RTN4IP1: variants seen among roughly 807,000 people sequenced by gnomAD.
The protein encoded by RTN4IP1 is reticulon 4 interacting protein 1.
RTN4IP1 carries 32 observed loss-of-function variants against 46.6 expected under a neutral mutation model. The ratio of observed to expected loss-of-function variants is 0.69; its 90% CI spans 0.52 to 0.92. The LOEUF is 0.92. Ranked by LOEUF, RTN4IP1 falls within the 40% of genes least tolerant of loss-of-function variation. RTN4IP1 has a pLI of 0.00. For synonymous variants in RTN4IP1, 167 were observed against 161.8 expected, an observed-to-expected ratio of 1.03 and a Z score of -0.24; for missense variants, 424 against 485.8, an observed-to-expected ratio of 0.87 and a Z score of 1.20.
intron 4 of RTN4IP1, among the ~76,000 whole-genome samples, chr6:106,603,429 G>A (rs1775992418): frequency 6.6e-6 from 1 of 152,172 alleles, no homozygotes; most frequent in African/African-American, 2.4e-5. Flanking sequence ...GTGGCTTCCT[G>A]TTAAAGCAGA....
At chr6:106,596,310 C>A (rs970253833) in intron 5 of RTN4IP1, among the ~76,000 whole-genome samples, 1 of 152,162 alleles carries the variant, frequency 6.6e-6, no homozygotes, top group Non-Finnish European at 1.5e-5. Context: ...ACTTCCAATT[C>A]TAATTTGAGA....
intron 5 of RTN4IP1, among the ~76,000 whole-genome samples, chr6:106,602,055 G>T (rs1775961594): frequency 6.6e-6 from 1 of 152,142 alleles, no homozygotes; most frequent in South Asian, 2.1e-4. Context: ...TTCTTGTCAG[G>T]ATCAATTGAC....
chr6:106,611,872 T>C (rs996242978), intron 4 of RTN4IP1, among the ~76,000 whole-genome samples: 2 of 152,230 alleles, frequency 1.3e-5, no homozygotes, highest in South Asian at 2.1e-4. Flanking sequence ...TATTTATATA[T>C]CTTGGTAAGG....
intron 5 of RTN4IP1, 31 bp from the exon 6 acceptor site, chr6:106,592,331 A>G (rs753109506): frequency 7.5e-6 from 12 of 1,603,950 alleles, no homozygotes; most frequent in South Asian, 4.5e-5. Flanking sequence ...AAAAAGAATA[A>G]AAAAGGGAGA....
At chr6:106,629,733 C>A, upstream of RTN4IP1, 1 of 1,595,782 alleles carries the variant, frequency 6.3e-7, no homozygotes, top group Non-Finnish European at 8.5e-7. Context: ...GCTGAGGCCC[C>A]CGGGAGGGCG....
intron 4 of RTN4IP1, among the ~76,000 whole-genome samples, chr6:106,611,596 C>G (rs9386573): frequency 0.073 from 11,067 of 152,088 alleles, 593 homozygotes; most frequent in East Asian, 0.2. Context: ...TTTTAAATCA[C>G]GGGGAAAACA....
intron 5 of RTN4IP1, among the ~76,000 whole-genome samples, chr6:106,596,519 G>A (rs1775797266): frequency 6.6e-6 from 1 of 152,174 alleles, no homozygotes; most frequent in Non-Finnish European, 1.5e-5. Context: ...GGAGGTTGAG[G>A]TTGCAGTGAG....
At chr6:106,612,384 C>CAAAAAAA (rs1180927898) in intron 4 of RTN4IP1, among the ~76,000 whole-genome samples, 2 of 18,910 alleles carry the variant, frequency 1.1e-4, no homozygotes, top group African/African-American at 2.1e-4. Context: ...AAGACTCCGT[C>CAAAAAAA]AAAAAAAAAA....
chr6:106,581,858 T>C (rs1280830682), intron 8 of RTN4IP1, among the ~76,000 whole-genome samples: 10 of 152,330 alleles, frequency 6.6e-5, no homozygotes, highest in East Asian at 3.9e-4. Context: ...CTGGAGCAGA[T>C]AGCAGGACAA....
rs756747776 is a variant in RTN4IP1 at position 106,587,711 on chromosome 6, T to TC, written c.957dup (p.Thr320AspfsTer33). The stretch of plus-strand genomic sequence containing the variant: ...GCCTTTGAACCTACAGTGACTCCTG[T>TC]CTGCAACATGCCATCTGCTATGCCC... On this transcript the variant is annotated frameshift_variant, in exon 7 of 9. Transcript: ENST00000369063. LOFTEE classifies it high-confidence loss of function. 2.0e-5 allele frequency: 33 copies of TC among 1,613,094 alleles called. No individual in the cohort carries two copies. In the South Asian group the frequency reaches 2.2e-4, roughly 11 times the overall value.
At chr6:106,577,860 A>T (rs1325827895) in intron 8 of RTN4IP1, among the ~76,000 whole-genome samples, 2 of 152,134 alleles carry the variant, frequency 1.3e-5, no homozygotes, top group African/African-American at 2.4e-5. Context: ...GAAGGCAAGG[A>T]AACAGATCCT....
chr6:106,618,360 T>C (rs2114675762), intron 4 of RTN4IP1, among the ~76,000 whole-genome samples: 1 of 152,330 alleles, frequency 6.6e-6, no homozygotes, highest in African/African-American at 2.4e-5. Flanking sequence ...AAACGGTTCT[T>C]AGTATCTAGT....
chr6:106,583,060 C>T (rs1326685792), intron 8 of RTN4IP1, among the ~76,000 whole-genome samples: 1 of 152,184 alleles, frequency 6.6e-6, no homozygotes, highest in East Asian at 1.9e-4. Flanking sequence ...ATCCTATAAC[C>T]TCCCTGGGCC....
At chr6:106,618,238 A>T (rs538952273) in intron 4 of RTN4IP1, among the ~76,000 whole-genome samples, 1 of 152,214 alleles carries the variant, frequency 6.6e-6, no homozygotes, top group African/African-American at 2.4e-5. Context: ...AATAGAACAG[A>T]ATCACACAGA....
At chr6:106,587,319 G>T (rs56120103) in intron 7 of RTN4IP1, among the ~76,000 whole-genome samples, 21,533 of 152,240 alleles carry the variant, frequency 0.14, 1,749 homozygotes, top group African/African-American at 0.21. Context: ...AATCAAGAGA[G>T]GCAATAAGTA....
chr6:106,605,931 G>A (rs1409291994), intron 4 of RTN4IP1, among the ~76,000 whole-genome samples: 2 of 151,550 alleles, frequency 1.3e-5, no homozygotes, highest in Non-Finnish European at 2.9e-5. Flanking sequence ...TACATCTACA[G>A]GAAAAAGTAC....
intron 1 of RTN4IP1, among the ~76,000 whole-genome samples, chr6:106,623,556 C>T (rs2114682924): frequency 6.6e-6 from 1 of 152,254 alleles, no homozygotes; most frequent in African/African-American, 2.4e-5. Flanking sequence ...AAAAAGTAAT[C>T]AACCTTATAA....
intron 8 of RTN4IP1, among the ~76,000 whole-genome samples, chr6:106,578,689 G>C (rs948212740): frequency 6.6e-6 from 1 of 152,172 alleles, no homozygotes; most frequent in African/African-American, 2.4e-5. Flanking sequence ...CAGCTGCGGG[G>C]AAAGAACATT....
chr6:106,621,435 C>T lies in RTN4IP1; in HGVS notation c.485G>A (p.Ser162Asn). The T allele has an allele frequency of 4.3e-6, 7 of 1,613,538 alleles. No individual in the cohort carries two copies. The highest frequency in any genetic ancestry group is 5.9e-6 in the Non-Finnish European group (7 of 1,179,486). Residue 162 changes from serine to asparagine, a missense_variant, in exon 3 of 9, where the codon AGT becomes AAT. Physicochemically the swap from Ser to Asn is conservative, Grantham distance 46. Coordinates refer to ENST00000369063, the MANE Select transcript of RTN4IP1 (RefSeq NM_032730.5). ...GAGTTGGTAAGTTACCTCATTCCCA[C>T]TGACTACAACAAACTCTGAAAGAGT... ...QGTLSEFVVV[S>N]GNEVSHKPKS...
Sources: allele counts gnomAD v4.1 joint callset (sites outside exome capture counted in the v4.1 genomes callset), GRCh38; gene constraint gnomAD v4.1.1; transcripts MANE v1.5; gene names NCBI Gene and HGNC (gene_info 2026-07-23, HGNC 2026-07-21).